Variants in RASGEF1C observed in about 807,000 individuals in gnomAD.
RASGEF1C encodes ras-GEF domain-containing family member 1C.
In RASGEF1C, 27 loss-of-function variants were observed where a neutral mutation model predicts 58.1. The observed-to-expected ratio is 0.46, with a 90% CI of 0.34 to 0.64. RASGEF1C has a LOEUF of 0.64. RASGEF1C is among the 30% of genes least tolerant of loss of function. The pLI is 0.01. For synonymous variants in RASGEF1C, 243 were observed against 246.3 expected (o/e 0.99, Z 0.13); for missense variants, 502 against 605.1 (o/e 0.83, Z 1.79).
At chr5:180,118,954 A>G in intron 8 of RASGEF1C, 88 bp from the exon 9 acceptor site, 2 of 1,241,604 alleles carry the variant, frequency 1.6e-6, no homozygotes, top group African/African-American at 1.5e-5. Context: ...CACCCTGACC[A>G]GGGCTGAGGT....
At chr5:180,189,688 A>G in intron 1 of RASGEF1C, among the ~76,000 whole-genome samples, 1 of 152,042 alleles carries the variant, frequency 6.6e-6, no homozygotes, top group East Asian at 1.9e-4. Context: ...TTGGGAGGCC[A>G]AGGCAGGTGG....
chr5:180,122,514 G>C (rs1766192834), intron 6 of RASGEF1C, among the ~76,000 whole-genome samples: 1 of 152,096 alleles, frequency 6.6e-6, no homozygotes, highest in Admixed American at 6.5e-5. Context: ...GCCAAGGTGG[G>C]TGGATCACCT....
chr5:180,164,795 C>T (rs1057449062), intron 1 of RASGEF1C, among the ~76,000 whole-genome samples: 22 of 152,194 alleles, frequency 1.4e-4, no homozygotes, highest in Admixed American at 4.6e-4. Flanking sequence ...TCAATTAACT[C>T]AGGTTGGTTA....
Position 180,198,099 on chromosome 5 carries a change from G to C in RASGEF1C, c.-7+10929C>G, listed in dbSNP as rs1434926463. ...AGTCTGTAGGACGCTTCCTGGACAG[G>C]CTTATGGGGCGTGGCAGTTTGGGGC... On this transcript the variant is annotated intron_variant, in intron 1 of 13. Coordinates refer to ENST00000361132, the MANE Select transcript of RASGEF1C (RefSeq NM_175062.4). This position sits in a 1 kb window ranked among gnomAD's most constrained non-coding sequence, Gnocchi z 4.5. Among the ~76,000 whole-genome samples the C allele has an allele frequency of 2.6e-5, 4 of 152,210 alleles. No individual in the cohort carries two copies. Among genetic ancestry groups the C allele is most frequent in the Non-Finnish European group, 4.4e-5 (3 of 68,030 alleles).
intron 1 of RASGEF1C, among the ~76,000 whole-genome samples, chr5:180,165,852 C>G (rs1767013924): frequency 6.9e-6 from 1 of 143,896 alleles, no homozygotes; most frequent in African/African-American, 2.5e-5. Flanking sequence ...CGGGTTCATA[C>G]CATTCTCCTG....
intron 1 of RASGEF1C, among the ~76,000 whole-genome samples, chr5:180,190,315 G>A (rs1028969575): frequency 7.9e-5 from 12 of 151,702 alleles, no homozygotes; most frequent in East Asian, 1.9e-4. Context: ...GTGAAACCCC[G>A]TCTCTACTAA....
At chr5:180,129,122 G>C (rs115749035) in intron 4 of RASGEF1C, among the ~76,000 whole-genome samples, 4 of 152,338 alleles carry the variant, frequency 2.6e-5, no homozygotes, top group Admixed American at 6.5e-5. Context: ...GGAAGGGCCA[G>C]GGCCCACGGG....
At chr5:180,139,102 G>T (rs1471353320) in intron 1 of RASGEF1C, among the ~76,000 whole-genome samples, 1 of 152,136 alleles carries the variant, frequency 6.6e-6, no homozygotes, top group Non-Finnish European at 1.5e-5. Context: ...CATCCTCTGT[G>T]ACCCTGCTCT....
intron 1 of RASGEF1C, 33 bp from the exon 2 acceptor site, chr5:180,138,091 G>T (rs1350017049): frequency 4.5e-6 from 6 of 1,341,764 alleles, no homozygotes; most frequent in Non-Finnish European, 6.0e-6. Context: ...GGACCTGAGT[G>T]GGGGCACACC....
chr5:180,175,881 G>A (rs974082475), intron 1 of RASGEF1C, among the ~76,000 whole-genome samples: 25 of 152,136 alleles, frequency 1.6e-4, no homozygotes, highest in African/African-American at 5.6e-4. Flanking sequence ...CCAGCTACTC[G>A]GGAGGCTGAG....
chr5:180,113,229 A>T (rs111161625), intron 11 of RASGEF1C, among the ~76,000 whole-genome samples: 4 of 17,634 alleles, frequency 2.3e-4, no homozygotes, highest in East Asian at 1.7e-3. Flanking sequence ...ACGGAGGGAC[A>T]GGGGATGGAC....
At chr5:180,101,639 C>G in intron 13 of RASGEF1C, 114 bp from the exon 14 acceptor site, 1 of 1,318,974 alleles carries the variant, frequency 7.6e-7, no homozygotes, top group South Asian at 1.3e-5. Flanking sequence ...GCCTCCTGCC[C>G]CAGAGGGGTG....
chr5:180,113,629 C>T (rs1232789447), intron 11 of RASGEF1C, among the ~76,000 whole-genome samples: 1 of 68,434 alleles, frequency 1.5e-5, no homozygotes, highest in Non-Finnish European at 2.8e-5. Flanking sequence ...CGGAGGGATC[C>T]GGGGATGGAC....
rs1026972090 is a variant in RASGEF1C at position 180,158,991 on chromosome 5, A to G, written c.-6-20933T>C. 2.6e-5 allele frequency among the ~76,000 whole-genome samples: 4 copies of G among 151,880 alleles called. No individual in the cohort carries two copies. Among genetic ancestry groups the G allele is most frequent in the Non-Finnish European group, 5.9e-5 (4 of 67,970 alleles). ...TGAAAGCATTTCAATTTTATCTTCT[A>G]AATCTTTTATTTCTGCTGATGTATT... On this transcript the variant is annotated intron_variant, in intron 1 of 13. Transcript: ENST00000361132. The surrounding 1 kb of genome is among the most constrained non-coding windows in gnomAD (Gnocchi z 4.0).
At chr5:180,153,807 A>AC (rs1766805789) in intron 1 of RASGEF1C, among the ~76,000 whole-genome samples, 1 of 132,854 alleles carries the variant, frequency 7.5e-6, no homozygotes, top group African/African-American at 2.8e-5. Context: ...ACTTGCTAGC[A>AC]GAAACAATAC....
chr5:180,173,729 A>G (rs1767155494), intron 1 of RASGEF1C, among the ~76,000 whole-genome samples: 1 of 152,122 alleles, frequency 6.6e-6, no homozygotes, highest in Admixed American at 6.5e-5. Context: ...CCTGGCCAAC[A>G]TGGTGAAACC....
intron 6 of RASGEF1C, among the ~76,000 whole-genome samples, chr5:180,124,959 CCT>C (rs1264386385): frequency 1.3e-5 from 2 of 151,942 alleles, no homozygotes; most frequent in African/African-American, 2.4e-5. Flanking sequence ...ATGGAGAAAC[CCT>C]GTCTCCACAA....
At position 180,197,004 on chromosome 5, in the gene RASGEF1C, G is replaced by A. The variant is rs566860463; in HGVS notation, c.-7+12024C>T. On this transcript the variant is annotated intron_variant, in intron 1 of 13. Transcript: ENST00000361132. The surrounding 1 kb of genome is among the most constrained non-coding windows in gnomAD (Gnocchi z 4.7). ...ACCTGACTTCACCCCAGAATGTGGA[G>A]CTGGGTGTGCTGCCCGAGGCTGGCG... Among the ~76,000 whole-genome samples the A allele has an allele frequency of 4.6e-5, 7 of 152,320 alleles. No individual in the cohort carries two copies. In the South Asian group the frequency reaches 1.4e-3, roughly 32 times the overall value.
At chr5:180,134,384 G>A (rs927545220) in intron 4 of RASGEF1C, among the ~76,000 whole-genome samples, 1 of 151,920 alleles carries the variant, frequency 6.6e-6, no homozygotes, top group Non-Finnish European at 1.5e-5. Flanking sequence ...CCAGGCCAGG[G>A]CTTACCCCAG....
Sources: allele counts gnomAD v4.1 joint callset (sites outside exome capture counted in the v4.1 genomes callset), GRCh38; gene constraint gnomAD v4.1.1; non-coding constraint Gnocchi (gnomAD v3.1); transcripts MANE v1.5; gene names NCBI Gene and HGNC (gene_info 2026-07-23, HGNC 2026-07-21).